Variants in SEMA6D observed in about 807,000 individuals in gnomAD.
SEMA6D encodes the protein semaphorin 6D, also known as semaphorin-6D.
Under a neutral mutation model 106.6 loss-of-function variants are expected in SEMA6D, and 35 were observed. The ratio of observed to expected loss-of-function variants is 0.33; its 90% CI spans 0.25 to 0.44. The LOEUF (loss-of-function observed/expected upper bound fraction) is 0.44, where lower values mean the gene tolerates loss of function less well. SEMA6D is among the 20% of genes least tolerant of loss of function. The pLI is 1.00. For synonymous variants in SEMA6D, 499 were observed against 487.7 expected (o/e 1.02, Z -0.31); for missense variants, 1,185 against 1,345.9 (o/e 0.88, Z 1.87).
intron 1 of SEMA6D, among the ~76,000 whole-genome samples, chr15:47,278,604 G>T (rs1193889843): frequency 6.6e-6 from 1 of 152,000 alleles, no homozygotes; most frequent in Non-Finnish European, 1.5e-5. Flanking sequence ...CTGTGCAGAG[G>T]CTCTTTAGTT....
chr15:47,649,301 G>A (rs1373950549), intron 4 of SEMA6D, among the ~76,000 whole-genome samples: 2 of 152,110 alleles, frequency 1.3e-5, no homozygotes, highest in Non-Finnish European at 2.9e-5. Context: ...AAAAATAAAT[G>A]TCTGACACAA....
intron 2 of SEMA6D, among the ~76,000 whole-genome samples, chr15:47,447,473 C>G (rs564854646): frequency 1.5e-3 from 234 of 152,196 alleles, no homozygotes; most frequent in Non-Finnish European, 2.5e-3. Context: ...GGGAGCTTGC[C>G]TATAGCTAAA....
chr15:47,524,501 T>C (rs569070887), intron 3 of SEMA6D, among the ~76,000 whole-genome samples: 2 of 152,322 alleles, frequency 1.3e-5, no homozygotes, highest in East Asian at 3.9e-4. Context: ...TAAAGAAATA[T>C]AAAGGGCTTA....
At chr15:47,536,484 T>C (rs536297809) in intron 3 of SEMA6D, among the ~76,000 whole-genome samples, 2 of 152,316 alleles carry the variant, frequency 1.3e-5, no homozygotes, top group East Asian at 3.9e-4. Context: ...GTCTCAGTCG[T>C]CAGATTGTAC....
chr15:47,724,350 C>T (rs1297772210), intron 1 of SEMA6D, among the ~76,000 whole-genome samples: 4 of 152,178 alleles, frequency 2.6e-5, no homozygotes, highest in African/African-American at 9.7e-5. Flanking sequence ...CACACAATTC[C>T]AGAGGTCAGG....
At chr15:47,624,534 C>A (rs2077168375) in intron 4 of SEMA6D, among the ~76,000 whole-genome samples, 2 of 136,742 alleles carry the variant, frequency 1.5e-5, no homozygotes, top group African/African-American at 2.5e-5. Flanking sequence ...AGAAAGTGTT[C>A]TTGAAAGATT....
At chr15:47,347,231 G>A (rs115884294) in intron 1 of SEMA6D, among the ~76,000 whole-genome samples, 112 of 152,230 alleles carry the variant, frequency 7.4e-4, no homozygotes, top group Middle Eastern at 6.8e-3. Flanking sequence ...ATAGTCTAAG[G>A]TAAACCAAAT....
intron 4 of SEMA6D, among the ~76,000 whole-genome samples, chr15:47,640,892 A>T (rs892777124): frequency 6.6e-6 from 1 of 152,162 alleles, no homozygotes; most frequent in African/African-American, 2.4e-5. Flanking sequence ...TTGAACAGAA[A>T]GTGGTAATAA....
chr15:47,730,527 C>G, intron 1 of SEMA6D: 2 of 1,311,518 alleles, frequency 1.5e-6, no homozygotes, highest in African/African-American at 2.9e-5. Flanking sequence ...GTGTCAACTC[C>G]TGCTCGAAGG....
chr15:47,190,754 C>T (rs1004290597), intron 1 of SEMA6D, among the ~76,000 whole-genome samples: 1 of 152,176 alleles, frequency 6.6e-6, no homozygotes, highest in Non-Finnish European at 1.5e-5. Context: ...ATATTTTCTT[C>T]ATACTATATC....
intron 4 of SEMA6D, among the ~76,000 whole-genome samples, chr15:47,685,798 T>A (rs1414971092): frequency 6.6e-6 from 1 of 152,202 alleles, no homozygotes; most frequent in Non-Finnish European, 1.5e-5. Context: ...TAATACAACC[T>A]GTGAGCAAGA....
At chr15:47,432,444 C>G (rs1239538381) in intron 2 of SEMA6D, among the ~76,000 whole-genome samples, 1 of 151,948 alleles carries the variant, frequency 6.6e-6, no homozygotes, top group Non-Finnish European at 1.5e-5. Flanking sequence ...TCTCTTCACC[C>G]TGTTTCTCTT....
At chr15:47,574,261 G>T (rs1055095318) in intron 3 of SEMA6D, among the ~76,000 whole-genome samples, 1 of 152,324 alleles carries the variant, frequency 6.6e-6, no homozygotes, top group South Asian at 2.1e-4. Context: ...ACAAGAACTT[G>T]TTGGATTTTG....
At chr15:47,282,628 A>G (rs1397481640) in intron 1 of SEMA6D, among the ~76,000 whole-genome samples, 1 of 152,158 alleles carries the variant, frequency 6.6e-6, no homozygotes, top group African/African-American at 2.4e-5. Context: ...ATGTCTGTGA[A>G]CAGTGTAGAC....
rs118170140 is a variant in SEMA6D at position 47,550,335 on chromosome 15, G to A, written c.-86-50530G>A. 9.8e-3 allele frequency among the ~76,000 whole-genome samples: 1,489 copies of A among 152,242 alleles called. 10 individuals carry two copies. The highest frequency in any genetic ancestry group is 0.02 in the Admixed American group (313 of 15,274). On this transcript the variant is annotated intron_variant, in intron 3 of 19. Transcript: ENST00000558014. ...TCTGTAATACCACAAGAGAGGTGTAGAGACAGAAATAACAAGGAAGAGGGG... is the reference window on the plus strand; with the variant it reads ...TCTGTAATACCACAAGAGAGGTGTAAAGACAGAAATAACAAGGAAGAGGGG...
chr15:47,766,818 G>A (rs2082366689), intron 16 of SEMA6D, 141 bp downstream of exon 16: 1 of 668,038 alleles, frequency 1.5e-6, no homozygotes, highest in Non-Finnish European at 2.6e-6. Context: ...AAGCTGAGCT[G>A]TTCGGTCATG....
At chr15:47,242,685 C>A (rs942308296) in intron 1 of SEMA6D, among the ~76,000 whole-genome samples, 1 of 152,072 alleles carries the variant, frequency 6.6e-6, no homozygotes, top group African/African-American at 2.4e-5. Flanking sequence ...GGTATCCTTA[C>A]GGTCAACTAT....
chr15:47,522,602 G>A (rs984134039), intron 3 of SEMA6D, among the ~76,000 whole-genome samples: 1 of 152,178 alleles, frequency 6.6e-6, no homozygotes, highest in African/African-American at 2.4e-5. Context: ...GCCAAAGGGG[G>A]TCTTTAGAAG....
intron 3 of SEMA6D, among the ~76,000 whole-genome samples, chr15:47,497,303 A>G (rs980353828): frequency 4.6e-5 from 7 of 152,018 alleles, no homozygotes; most frequent in African/African-American, 1.7e-4. Context: ...ACACCAAACA[A>G]AAAGGAAAAA....
Sources: allele counts gnomAD v4.1 joint callset (sites outside exome capture counted in the v4.1 genomes callset), GRCh38; gene constraint gnomAD v4.1.1; transcripts MANE v1.5; gene names NCBI Gene and HGNC (gene_info 2026-07-23, HGNC 2026-07-21).